The following ASB3 variants were observed in gnomAD, a reference collection of about 807,000 sequenced individuals.
The protein encoded by ASB3 is ankyrin repeat and SOCS box protein 3.
ASB3 carries 41 observed loss-of-function variants against 54.5 expected under a neutral mutation model. The observed-to-expected ratio is 0.75, with a 90% CI of 0.59 to 0.98. The LOEUF is 0.98. ASB3 is among the 50% of genes least tolerant of loss of function. The probability of loss-of-function intolerance (pLI) is 0.00; values close to 1 mark genes in which losing one functional copy is unlikely to be tolerated. For missense variants in ASB3, 733 were observed against 620.0 expected (o/e 1.18, Z -1.94); for synonymous variants, 266 against 221.2 (o/e 1.20, Z -1.80).
Position 53,750,810 on chromosome 2 carries a change from A to G in ASB3, c.328T>C (p.Leu110=). The G allele has an allele frequency of 6.3e-7, 1 of 1,588,156 alleles. No homozygotes were observed. Among genetic ancestry groups the G allele is most frequent in the South Asian group, 1.2e-5 (1 of 84,174 alleles). Residue 110 remains leucine, a synonymous_variant, in exon 3 of 10, where the codon TTA becomes CTA. Coordinates refer to ENST00000263634, the MANE Select transcript of ASB3 (RefSeq NM_016115.5). ...AAAAACAATGGTGTCGTTTCTTCTA[A>G]AGTAGTTGCATTAGGATCTGCCCCA... ...EAGADPNATT[L]EETTPLFLAV... is the part of the protein sequence containing the mutation.
At chr2:53,746,164 C>T (rs929098864) in intron 3 of ASB3, among the ~76,000 whole-genome samples, 4 of 151,838 alleles carry the variant, frequency 2.6e-5, no homozygotes, top group South Asian at 2.1e-4. Context: ...GGTGTGGTGG[C>T]GGTGCTTGTG....
chr2:53,727,169 C>T (rs1312757893), intron 5 of ASB3, among the ~76,000 whole-genome samples: 2 of 152,152 alleles, frequency 1.3e-5, no homozygotes, highest in East Asian at 1.9e-4. Context: ...AATCTAAAAA[C>T]GATTATGTTT....
chr2:53,733,042 T>C (rs1044295285), intron 3 of ASB3, among the ~76,000 whole-genome samples: 4 of 152,204 alleles, frequency 2.6e-5, no homozygotes, highest in Non-Finnish European at 4.4e-5. Context: ...GTTTAGAAAC[T>C]ACCTAGCAAA....
chr2:53,734,679 C>T (rs943999243), intron 3 of ASB3, among the ~76,000 whole-genome samples: 1 of 152,162 alleles, frequency 6.6e-6, no homozygotes, highest in African/African-American at 2.4e-5. Context: ...ATTCAATGGC[C>T]TTTTCTCAGC....
intron 9 of ASB3, among the ~76,000 whole-genome samples, chr2:53,671,353 C>CGTGT (rs142473697): frequency 0.23 from 32,507 of 142,494 alleles, 3,826 homozygotes; most frequent in Non-Finnish European, 0.26. Context: ...GAACCCAAAG[C>CGTGT]GTGTGTGTGT....
At chr2:53,720,744 T>G (rs999269731) in intron 5 of ASB3, among the ~76,000 whole-genome samples, 2 of 152,090 alleles carry the variant, frequency 1.3e-5, no homozygotes, top group South Asian at 4.1e-4. Flanking sequence ...CTAATACACA[T>G]CTAAAGAACA....
At chr2:53,744,183 TG>T (rs1195189277) in intron 3 of ASB3, among the ~76,000 whole-genome samples, 1 of 151,514 alleles carries the variant, frequency 6.6e-6, no homozygotes, top group African/African-American at 2.4e-5. Context: ...TAGACCATCC[TG>T]GCTAACACGG....
chr2:53,765,236 T>C (rs1379186770), intron 2 of ASB3, 141 bp downstream of exon 2: 1 of 1,222,568 alleles, frequency 8.2e-7, no homozygotes, highest in African/African-American at 1.5e-5. Flanking sequence ...CTTACTATCC[T>C]TAATAAATAA....
intron 1 of ASB3, chr2:53,768,257 A>G (rs1673636430): frequency 2.1e-6 from 1 of 480,206 alleles, no homozygotes; most frequent in African/African-American, 1.9e-5. Flanking sequence ...AGAGACGGCG[A>G]GAAGCGCGGG....
intron 3 of ASB3, among the ~76,000 whole-genome samples, chr2:53,732,141 TAG>T (rs1671353947): frequency 6.6e-6 from 1 of 151,748 alleles, no homozygotes; most frequent in Non-Finnish European, 1.5e-5. Flanking sequence ...GTATTTTTAG[TAG>T]AGACAAGGTT....
At chr2:53,760,188 G>C (rs1471820176) in intron 2 of ASB3, among the ~76,000 whole-genome samples, 1 of 152,042 alleles carries the variant, frequency 6.6e-6, no homozygotes, top group African/African-American at 2.4e-5. Context: ...AGAATTAGGA[G>C]AAGGAAAAAG....
Position 53,709,729 on chromosome 2 carries a change from G to C in ASB3, c.980+4655C>G, listed in dbSNP as rs115675147. Among the ~76,000 whole-genome samples, 646 of 152,292 alleles carry C rather than the reference G, an allele frequency of 4.2e-3. 7 individuals are homozygous for C. The highest frequency in any genetic ancestry group is 0.015 in the African/African-American group (618 of 41,556). On this transcript the variant is annotated intron_variant, in intron 7 of 9. Coordinates refer to ENST00000263634, the MANE Select transcript of ASB3 (RefSeq NM_016115.5). ...AATTTCAGAGATAATGTGTGAGACA[G>C]CTAGCCTCCAAGATGGCCCCCAATC...
At chr2:53,731,497 G>A (rs1194636816) in intron 3 of ASB3, among the ~76,000 whole-genome samples, 1 of 152,166 alleles carries the variant, frequency 6.6e-6, no homozygotes, top group Non-Finnish European at 1.5e-5. Flanking sequence ...TACCACTGAG[G>A]TAGGAATCTA....
At chr2:53,674,071 T>G (rs2103627169) in intron 9 of ASB3, among the ~76,000 whole-genome samples, 1 of 152,348 alleles carries the variant, frequency 6.6e-6, no homozygotes. Flanking sequence ...CATAGTTATT[T>G]CCAGACGTGT....
intron 9 of ASB3, among the ~76,000 whole-genome samples, chr2:53,678,269 GCTTTATACC>G (rs1668189612): frequency 6.6e-6 from 1 of 152,004 alleles, no homozygotes; most frequent in Non-Finnish European, 1.5e-5. Context: ...CAAAACTGCA[GCTTTATACC>G]CTTTGACCTA....
intron 5 of ASB3, among the ~76,000 whole-genome samples, chr2:53,721,985 T>C (rs1268483919): frequency 6.6e-6 from 1 of 151,812 alleles, no homozygotes; most frequent in Non-Finnish European, 1.5e-5. Context: ...ATAAGCACAA[T>C]CTGAAACAAC....
chr2:53,750,797 G>A lies in ASB3; in HGVS notation c.341C>T (p.Thr114Ile). The A allele has an allele frequency of 6.4e-7, 1 of 1,564,604 alleles. No homozygotes were observed. Among genetic ancestry groups the A allele is most frequent in the East Asian group, 2.3e-5 (1 of 43,758 alleles). Residue 114 changes from threonine to isoleucine, a missense_variant, in exon 3 of 10, where the codon ACA (threonine) becomes ATA (isoleucine). Thr to Ile is a moderately conservative substitution (Grantham distance 89). Transcript: ENST00000263634. ...AGCATACTTACCTAAAAACAATGGT[G>A]TCGTTTCTTCTAAAGTAGTTGCATT... Reference protein sequence around the residue: ...DPNATTLEETTPLFLAVENGQ... With the variant: ...DPNATTLEETIPLFLAVENGQ...
chr2:53,706,210 C>T (rs912281989), intron 7 of ASB3, among the ~76,000 whole-genome samples: 1 of 152,086 alleles, frequency 6.6e-6, no homozygotes, highest in Non-Finnish European at 1.5e-5. Flanking sequence ...TCATCCAAGC[C>T]CAAGAATCAT....
chr2:53,743,633 T>C (rs1672058900), intron 3 of ASB3, among the ~76,000 whole-genome samples: 1 of 152,150 alleles, frequency 6.6e-6, no homozygotes, highest in Non-Finnish European at 1.5e-5. Flanking sequence ...AAGCTGGAGG[T>C]TTAAATCTAT....
Sources: allele counts gnomAD v4.1 joint callset (sites outside exome capture counted in the v4.1 genomes callset), GRCh38; gene constraint gnomAD v4.1.1; transcripts MANE v1.5; gene names NCBI Gene and HGNC (gene_info 2026-07-23, HGNC 2026-07-21).